Variants in SNTG1 observed in about 807,000 individuals in gnomAD.
The protein encoded by SNTG1 is gamma-1-syntrophin.
SNTG1 carries 39 observed loss-of-function variants against 74.7 expected under a neutral mutation model. The ratio of observed to expected loss-of-function variants is 0.52; its 90% CI spans 0.40 to 0.68. The LOEUF is 0.68. Among genes scored for constraint, SNTG1 ranks in the 30% least tolerant of loss-of-function variants. The probability of loss-of-function intolerance (pLI) is 0.00; values close to 1 mark genes in which losing one functional copy is unlikely to be tolerated. For synonymous variants in SNTG1, 254 were observed against 217.1 expected (o/e 1.17, Z -1.49); for missense variants, 685 against 609.5 (o/e 1.12, Z -1.30).
chr8:50,565,599 A>C (rs2094512132), intron 12 of SNTG1, among the ~76,000 whole-genome samples: 1 of 152,060 alleles, frequency 6.6e-6, no homozygotes, highest in Admixed American at 6.6e-5. Context: ...CCATGTATTA[A>C]TTCAGCAAAC....
chr8:50,027,180 G>A (rs904734992), intron 1 of SNTG1, among the ~76,000 whole-genome samples: 1 of 152,052 alleles, frequency 6.6e-6, no homozygotes, highest in Non-Finnish European at 1.5e-5. Context: ...GGTCAAAGGG[G>A]GAATTAAGTT....
At chr8:50,106,810 C>T (rs966352424) in intron 1 of SNTG1, among the ~76,000 whole-genome samples, 2 of 151,976 alleles carry the variant, frequency 1.3e-5, no homozygotes, top group Non-Finnish European at 2.9e-5. Flanking sequence ...TTATGTCCAC[C>T]CAAATATTCA....
At chr8:50,465,022 A>G (rs943517986) in intron 8 of SNTG1, among the ~76,000 whole-genome samples, 2 of 152,006 alleles carry the variant, frequency 1.3e-5, no homozygotes, top group Non-Finnish European at 2.9e-5. Flanking sequence ...TATATGAAAT[A>G]TGTAATATCT....
chr8:49,950,942 AT>A (rs1486660565), intron 1 of SNTG1, among the ~76,000 whole-genome samples: 3 of 152,178 alleles, frequency 2.0e-5, no homozygotes, highest in Admixed American at 2.0e-4. Flanking sequence ...AGCTCACTTT[AT>A]TTTTTAAAAA....
intron 3 of SNTG1, among the ~76,000 whole-genome samples, chr8:50,401,641 G>A (rs750656885): frequency 5.3e-5 from 8 of 152,078 alleles, no homozygotes; most frequent in Non-Finnish European, 1.2e-4. Flanking sequence ...GTGCATGTGT[G>A]TATGCATGCA....
intron 1 of SNTG1, among the ~76,000 whole-genome samples, chr8:50,112,515 C>CTTTTTTTTTT (rs34942560): frequency 2.6e-5 from 2 of 77,582 alleles, no homozygotes; most frequent in Non-Finnish European, 4.4e-5. Flanking sequence ...TTAGTTCTTT[C>CTTTTTTTTTT]TTTTTTTTTT....
At chr8:50,096,290 T>G (rs1392114446) in intron 1 of SNTG1, among the ~76,000 whole-genome samples, 1 of 152,164 alleles carries the variant, frequency 6.6e-6, no homozygotes. Context: ...GTGGAAGAGT[T>G]CAGCACTTTT....
intron 2 of SNTG1, among the ~76,000 whole-genome samples, chr8:50,195,604 TC>T (rs2083737251): frequency 6.6e-6 from 1 of 152,160 alleles, no homozygotes; most frequent in Non-Finnish European, 1.5e-5. Flanking sequence ...TGCGGCAAGC[TC>T]CCAGGGCCTT....
chr8:50,509,396 C>T lies in SNTG1; in HGVS notation c.466+6516C>T, dbSNP rs1458320407. Among the ~76,000 whole-genome samples, 15 of 152,236 alleles carry T rather than the reference C, an allele frequency of 9.9e-5. 1 individual carries two copies. Among genetic ancestry groups the T allele is most frequent in the East Asian group, 1.9e-4 (1 of 5,182 alleles). The stretch of plus-strand genomic sequence containing the variant: ...TTGGCTTAGGATTGACTTGGCGATG[C>T]GGACTCTTTTTTGGTTCCACATGAA... On this transcript the variant is annotated intron_variant, in intron 9 of 18. Transcript: ENST00000642720.
At chr8:50,552,911 A>T (rs1188004846) in intron 11 of SNTG1, 139 bp from the exon 12 acceptor site, 1 of 991,702 alleles carries the variant, frequency 1.0e-6, no homozygotes, top group Non-Finnish European at 1.4e-6. Flanking sequence ...AGATGCTTAT[A>T]AAGTCAGGTA....
intron 2 of SNTG1, among the ~76,000 whole-genome samples, chr8:50,184,546 A>G (rs2131735845): frequency 6.6e-6 from 1 of 152,282 alleles, no homozygotes; most frequent in Middle Eastern, 3.4e-3. Context: ...GTTTCCTGCA[A>G]TCTCAATCTC....
At chr8:50,598,098 T>A (rs2094744341) in intron 13 of SNTG1, among the ~76,000 whole-genome samples, 1 of 151,972 alleles carries the variant, frequency 6.6e-6, no homozygotes, top group Non-Finnish European at 1.5e-5. Context: ...CTATTTTTGC[T>A]ATTGTCACCT....
At chr8:50,480,101 A>C (rs1455539645) in intron 8 of SNTG1, among the ~76,000 whole-genome samples, 1 of 152,078 alleles carries the variant, frequency 6.6e-6, no homozygotes, top group Non-Finnish European at 1.5e-5. Context: ...AATACTTACA[A>C]TTTTAAAATA....
chr8:50,678,772 A>C (rs2095319539), intron 15 of SNTG1, among the ~76,000 whole-genome samples: 1 of 152,156 alleles, frequency 6.6e-6, no homozygotes. Flanking sequence ...GCTCTTGTCA[A>C]AATTGACGTT....
At chr8:50,081,404 C>G (rs995079354) in intron 1 of SNTG1, among the ~76,000 whole-genome samples, 1 of 151,364 alleles carries the variant, frequency 6.6e-6, no homozygotes, top group African/African-American at 2.4e-5. Context: ...ATCTCTTTGT[C>G]TTTATTCCGT....
intron 6 of SNTG1, among the ~76,000 whole-genome samples, chr8:50,450,011 G>A (rs1417843150): frequency 6.6e-6 from 1 of 152,120 alleles, no homozygotes; most frequent in Non-Finnish European, 1.5e-5. Context: ...AACCAACAAA[G>A]ATACAAAACT....
intron 1 of SNTG1, among the ~76,000 whole-genome samples, chr8:49,981,465 ATTTAGAT>A (rs1244870755): frequency 1.3e-5 from 2 of 152,118 alleles, no homozygotes. Context: ...GGACTCTGAC[ATTTAGAT>A]TTACAGTAGT....
At chr8:49,963,820 C>T (rs1810909327) in intron 1 of SNTG1, among the ~76,000 whole-genome samples, 1 of 152,196 alleles carries the variant, frequency 6.6e-6, no homozygotes, top group Non-Finnish European at 1.5e-5. Context: ...TCATTTTCTT[C>T]TCTGTTTTCC....
At chr8:50,153,959 G>T (rs2082163662) in intron 1 of SNTG1, among the ~76,000 whole-genome samples, 1 of 152,162 alleles carries the variant, frequency 6.6e-6, no homozygotes, top group Admixed American at 6.5e-5. Context: ...AGTCTGCAGA[G>T]GTTTTTGCTG....
Sources: gnomAD v4.1 joint callset for allele counts (sites outside exome capture counted in the v4.1 genomes callset) on GRCh38, gnomAD v4.1.1 for gene constraint, MANE v1.5 for transcripts, NCBI Gene and HGNC (gene_info 2026-07-23, HGNC 2026-07-21) for gene names.